GSE1: variants seen among roughly 807,000 people sequenced by gnomAD.
The protein encoded by GSE1 is Gse1 coiled-coil protein.
Under a neutral mutation model 112.6 loss-of-function variants are expected in GSE1, and 32 were observed. The observed-to-expected ratio is 0.28, with a 90% CI of 0.21 to 0.38. GSE1 has a LOEUF of 0.38. GSE1 is among the 10% of genes least tolerant of loss of function. The pLI, the probability that GSE1 is intolerant of heterozygous loss-of-function variation, is 1.00. For missense variants in GSE1, 2,348 were observed against 1,699.2 expected (o/e 1.38, Z -6.71); for synonymous variants, 1,115 against 735.6 (o/e 1.52, Z -8.35).
Position 85,633,961 on chromosome 16 carries a change from G to T in GSE1, c.55G>T (p.Ala19Ser). Residue 19 changes from alanine to serine, a missense_variant, in exon 2 of 16, where the codon GCG (alanine) becomes TCG (serine). Transcript: ENST00000253458. ...KSPSLGMLST[A>S]TRTTATVNPL... Reference sequence around the variant, plus strand: ...CCCTTCGCTAGGGATGCTTTCCACCGCGACCAGGACCACCGCCACCGTCAA... The same window carrying T: ...CCCTTCGCTAGGGATGCTTTCCACCTCGACCAGGACCACCGCCACCGTCAA... The T allele has an allele frequency of 6.2e-7, 1 of 1,613,024 alleles. No homozygotes were observed. The highest frequency in any genetic ancestry group is 8.5e-7 in the Non-Finnish European group (1 of 1,179,710).
chr16:85,535,054 A>G (rs892286162), intron 2 of GSE1, among the ~76,000 whole-genome samples: 31 of 152,146 alleles, frequency 2.0e-4, no homozygotes, highest in Admixed American at 1.9e-3. Context: ...ATACACAGAG[A>G]TGGTCTGAGC....
chr16:85,527,663 C>T (rs558853301), intron 2 of GSE1, among the ~76,000 whole-genome samples: 92 of 152,348 alleles, frequency 6.0e-4, no homozygotes, highest in African/African-American at 2.1e-3. Flanking sequence ...GGGCCGGCAG[C>T]CCTGGCAGGG....
intron 1 of GSE1, among the ~76,000 whole-genome samples, chr16:85,227,942 G>A (rs937353650): frequency 2.6e-5 from 4 of 152,198 alleles, no homozygotes; most frequent in Admixed American, 6.5e-5. Flanking sequence ...TCAACGCAGA[G>A]AACCCCGTGC....
rs372498311 is a variant in GSE1 at position 85,643,719 on chromosome 16, T to C, written c.227-4833T>C. 8.5e-5 allele frequency among the ~76,000 whole-genome samples: 13 copies of C among 152,210 alleles called. No homozygotes were observed. In the East Asian group the frequency reaches 2.5e-3, roughly 30 times the overall value. On this transcript the variant is annotated intron_variant, in intron 2 of 15. Coordinates refer to ENST00000253458, the MANE Select transcript of GSE1 (RefSeq NM_014615.5). ...TTTGTAGAGTTGGGGTACAGAGAAGTCTCTGAGGTTCCTGGGGCTTGGCAC... is the reference window on the plus strand; with the variant it reads ...TTTGTAGAGTTGGGGTACAGAGAAGCCTCTGAGGTTCCTGGGGCTTGGCAC...
chr16:85,556,904 G>A (rs2045254251), intron 1 of GSE1, among the ~76,000 whole-genome samples: 1 of 152,070 alleles, frequency 6.6e-6, no homozygotes, highest in Non-Finnish European at 1.5e-5. Context: ...GTCGGAGGAG[G>A]GGGCCGGGGA....
intron 2 of GSE1, chr16:85,357,677 T>C (rs1380238714): frequency 7.9e-6 from 10 of 1,260,426 alleles, no homozygotes; most frequent in Non-Finnish European, 1.0e-5. Context: ...CTCTGGGTAC[T>C]GGGCTGGGAT....
intron 1 of GSE1, among the ~76,000 whole-genome samples, chr16:85,258,796 G>A (rs1297456113): frequency 6.6e-6 from 1 of 152,220 alleles, no homozygotes; most frequent in Non-Finnish European, 1.5e-5. Flanking sequence ...GAAGGGAGCT[G>A]TGGCGGTTTA....
intron 2 of GSE1, among the ~76,000 whole-genome samples, chr16:85,465,911 T>C (rs912652401): frequency 6.6e-6 from 1 of 152,234 alleles, no homozygotes; most frequent in African/African-American, 2.4e-5. Context: ...TTCCCAGCTA[T>C]TCAGTGAGCA....
intron 2 of GSE1, among the ~76,000 whole-genome samples, chr16:85,532,694 C>T (rs184148879): frequency 2.6e-5 from 4 of 152,336 alleles, no homozygotes; most frequent in Admixed American, 2.0e-4. Context: ...GCTCCAGCAT[C>T]GGGTGGAAGG....
intron 3 of GSE1, among the ~76,000 whole-genome samples, chr16:85,653,553 A>G (rs1051910594): frequency 9.3e-5 from 14 of 151,306 alleles, no homozygotes; most frequent in African/African-American, 2.7e-4. Context: ...CCACCTTCCC[A>G]GCTACACCCA....
chr16:85,369,107 C>T (rs892395951), intron 2 of GSE1, among the ~76,000 whole-genome samples: 4 of 152,204 alleles, frequency 2.6e-5, no homozygotes, highest in Non-Finnish European at 2.9e-5. Context: ...AGGCTAAATT[C>T]GAGGTGTGGG....
chr16:85,325,648 C>T (rs2046211310), intron 1 of GSE1, among the ~76,000 whole-genome samples: 1 of 152,060 alleles, frequency 6.6e-6, no homozygotes, highest in African/African-American at 2.4e-5. Flanking sequence ...GACGGCATTT[C>T]ACCACGTTGG....
At chr16:85,616,618 C>T (rs2048387798) in intron 1 of GSE1, among the ~76,000 whole-genome samples, 1 of 152,142 alleles carries the variant, frequency 6.6e-6, no homozygotes, top group South Asian at 2.1e-4. Context: ...GTTTTTTTAA[C>T]CTGCAGAGAT....
chr16:85,658,457 G>A (rs137925619), intron 8 of GSE1, among the ~76,000 whole-genome samples: 3 of 152,350 alleles, frequency 2.0e-5, no homozygotes, highest in East Asian at 1.9e-4. Context: ...TCTCAAGGCT[G>A]TGATGCTGTC....
intron 1 of GSE1, among the ~76,000 whole-genome samples, chr16:85,182,486 C>G (rs2074609186): frequency 6.6e-6 from 1 of 152,222 alleles, no homozygotes. Context: ...ATGCCTCAAC[C>G]TCTTTCTCTT....
At chr16:85,225,766 G>A (rs1270995950) in intron 1 of GSE1, among the ~76,000 whole-genome samples, 3 of 152,226 alleles carry the variant, frequency 2.0e-5, no homozygotes, top group Non-Finnish European at 4.4e-5. Flanking sequence ...GTATTGCTGT[G>A]TAACAGAATA....
chr16:85,618,835 A>T (rs2048542855), intron 1 of GSE1, among the ~76,000 whole-genome samples: 1 of 152,298 alleles, frequency 6.6e-6, no homozygotes, highest in Middle Eastern at 3.4e-3. Flanking sequence ...TTTTAAAGAA[A>T]TTTTTTTGTG....
intron 2 of GSE1, among the ~76,000 whole-genome samples, chr16:85,497,903 T>G (rs1298318756): frequency 6.6e-6 from 1 of 152,176 alleles, no homozygotes; most frequent in African/African-American, 2.4e-5. Flanking sequence ...ATCCCCTTTT[T>G]ACAGATGGGA....
intron 2 of GSE1, among the ~76,000 whole-genome samples, chr16:85,520,824 G>C (rs1487495849): frequency 6.6e-6 from 1 of 152,140 alleles, no homozygotes; most frequent in Non-Finnish European, 1.5e-5. Flanking sequence ...AGATTTTGTG[G>C]ATCACAATGG....
Sources: gnomAD v4.1 joint callset for allele counts (sites outside exome capture counted in the v4.1 genomes callset) on GRCh38, gnomAD v4.1.1 for gene constraint, MANE v1.5 for transcripts, NCBI Gene and HGNC (gene_info 2026-07-23, HGNC 2026-07-21) for gene names.